The following POT1 variants were observed in gnomAD, a reference collection of about 807,000 sequenced individuals.
POT1 encodes the protein protection of telomeres 1, also known as protection of telomeres protein 1.
Under a neutral mutation model 78.5 loss-of-function variants are expected in POT1, and 47 were observed. The observed-to-expected ratio is 0.60, with a 90% confidence interval of 0.47 to 0.76. The LOEUF is 0.76. POT1 is among the 30% of genes least tolerant of loss of function. POT1 has a pLI of 0.00. For missense variants in POT1, 646 were observed against 749.9 expected (o/e 0.86, Z 1.62); for synonymous variants, 259 against 260.7 (o/e 0.99, Z 0.06).
rs117317353 is a variant in POT1 at position 124,898,764 on chromosome 7, C to T, written c.-153-390G>A. On this transcript the variant is annotated intron_variant, in intron 3 of 18. Coordinates refer to ENST00000357628, the MANE Select transcript of POT1 (RefSeq NM_015450.3). Reference sequence around the variant, plus strand: ...AAGGCATGACAGTGCAAAAACTCCACATATTACAAAACTAATATATGTGCA... The same window carrying T: ...AAGGCATGACAGTGCAAAAACTCCATATATTACAAAACTAATATATGTGCA... Among the ~76,000 whole-genome samples, 1,501 of 152,154 alleles carry T rather than the reference C, an allele frequency of 9.9e-3. 15 individuals are homozygous for T. Among genetic ancestry groups the T allele is most frequent in the South Asian group, 0.028 (133 of 4,828 alleles).
At chr7:124,829,153 A>C (rs952008784) in intron 16 of POT1, 101 bp downstream of exon 16, 45 of 843,170 alleles carry the variant, frequency 5.3e-5, no homozygotes, top group Non-Finnish European at 8.2e-5. Context: ...TAAGTATACA[A>C]AGAAGGAACA....
At position 124,850,153 on chromosome 7, in the gene POT1, C is replaced by T. The variant is rs1584763690; in HGVS notation, c.949+1719G>A. Among the ~76,000 whole-genome samples, 5 of 152,202 alleles carry T rather than the reference C, an allele frequency of 3.3e-5. No homozygotes were observed. The South Asian group carries it at 8.3e-4, about 25-fold the overall frequency. ...TTTGTCATCTGAACTAAATTGGTTT[C>T]CTAATAGTAGTTCAAGTAATCATAC... is the stretch of plus-strand genomic sequence containing the variant. On this transcript the variant is annotated intron_variant, in intron 11 of 18. Transcript: ENST00000357628.
At chr7:124,894,690 C>T (rs1255674324) in intron 5 of POT1, among the ~76,000 whole-genome samples, 3 of 151,506 alleles carry the variant, frequency 2.0e-5, no homozygotes, top group Non-Finnish European at 4.4e-5. Flanking sequence ...TCCCAATAAG[C>T]CCTATCTTAG....
chr7:124,908,316 T>G (rs888752129), intron 3 of POT1, among the ~76,000 whole-genome samples: 2 of 151,954 alleles, frequency 1.3e-5, no homozygotes, highest in African/African-American at 4.8e-5. Flanking sequence ...ATGTACTGGG[T>G]TGAGTAATAC....
intron 3 of POT1, among the ~76,000 whole-genome samples, chr7:124,902,801 CAT>C (rs1796655754): frequency 6.6e-6 from 1 of 152,062 alleles, no homozygotes; most frequent in Non-Finnish European, 1.5e-5. Context: ...CAGAGACAAA[CAT>C]AGGCTCAAAT....
chr7:124,911,677 G>T (rs140178653), intron 3 of POT1, among the ~76,000 whole-genome samples: 34 of 152,262 alleles, frequency 2.2e-4, no homozygotes, highest in African/African-American at 7.7e-4. Flanking sequence ...CAAAGTAGAA[G>T]TGAGAAAAAA....
At position 124,835,095 on chromosome 7, in the gene POT1, G is replaced by A. The variant is rs577700238; in HGVS notation, c.1505+184C>T. 1.1e-4 allele frequency among the ~76,000 whole-genome samples: 17 copies of A among 152,290 alleles called. No individual in the cohort carries two copies. The East Asian group carries it at 3.3e-3, about 29-fold the overall frequency. ...ACATCACACACCAGGGCCTGTCAGGGGGTGGGAGGCTAGGGGAAGGACAGC... is the reference window on the plus strand; with the variant it reads ...ACATCACACACCAGGGCCTGTCAGGAGGTGGGAGGCTAGGGGAAGGACAGC... On this transcript the variant is annotated intron_variant, in intron 15 of 18. Coordinates refer to ENST00000357628, the MANE Select transcript of POT1 (RefSeq NM_015450.3).
Position 124,846,851 on chromosome 7 carries a change from A to G in POT1, c.1006+91T>C, listed in dbSNP as rs1001730189. On this transcript the variant is annotated intron_variant, in intron 12 of 18. Transcript: ENST00000357628. ...AGCTTTAAAGGATATGTGTTCTACTATTAGAAAGAAATGGATTAGCTGGTA... is the reference window on the plus strand; with the variant it reads ...AGCTTTAAAGGATATGTGTTCTACTGTTAGAAAGAAATGGATTAGCTGGTA... The G allele has an allele frequency of 1.8e-5, 16 of 902,046 alleles. No individual in the cohort carries two copies. The African/African-American group carries it at 2.0e-4, about 11-fold the overall frequency. The allele number at this position is 902,046 out of a possible 1,614,324, so 55.9% of individuals were successfully genotyped here. A position where few individuals can be genotyped will look rare whatever the true frequency, so the allele number is the denominator to read the frequency against.
intron 9 of POT1, among the ~76,000 whole-genome samples, chr7:124,855,723 T>A (rs1481224354): frequency 6.6e-6 from 1 of 151,506 alleles, no homozygotes; most frequent in African/African-American, 2.4e-5. Flanking sequence ...GAAATGACTA[T>A]CCCTTTAGAA....
At chr7:124,871,697 T>C (rs1795873326) in intron 6 of POT1, among the ~76,000 whole-genome samples, 1 of 151,588 alleles carries the variant, frequency 6.6e-6, no homozygotes, top group African/African-American at 2.4e-5. Context: ...CAAACACTGG[T>C]GGTAGTAAAA....
intron 14 of POT1, among the ~76,000 whole-genome samples, chr7:124,838,245 G>T (rs12154816): frequency 6.6e-6 from 1 of 151,840 alleles, no homozygotes; most frequent in Non-Finnish European, 1.5e-5. Flanking sequence ...GAAGAAATAA[G>T]CTGTCTTTGT....
At chr7:124,893,079 T>G (rs1281875130) in intron 5 of POT1, among the ~76,000 whole-genome samples, 1 of 151,488 alleles carries the variant, frequency 6.6e-6, no homozygotes, top group Non-Finnish European at 1.5e-5. Flanking sequence ...TTTTAGTAAT[T>G]AAATCATCCT....
chr7:124,877,186 C>T (rs1305245200), intron 6 of POT1, among the ~76,000 whole-genome samples: 1 of 152,192 alleles, frequency 6.6e-6, no homozygotes, highest in Non-Finnish European at 1.5e-5. Context: ...TAACATCAGA[C>T]TTTTCTATCA....
In POT1 at chr7:124,892,259, T is replaced by C. The variant is rs769945908; in HGVS notation, c.124+7A>G. 4.7e-6 allele frequency: 7 copies of C among 1,493,090 alleles called. No individual in the cohort carries two copies. The South Asian group carries it at 6.5e-5, about 14-fold the overall frequency. The allele number at this position is 1,493,090 out of a possible 1,614,324, so 92.5% of individuals were successfully genotyped here. The stretch of plus-strand genomic sequence containing the variant: ...CTCCAAAAAACTCCACCAGTTTTAA[T>C]ACCTACCAGTTCCTTTGCTTAGATA... On this transcript the variant is annotated splice_region_variant and intron_variant, in intron 6 of 18. Coordinates refer to ENST00000357628, the MANE Select transcript of POT1 (RefSeq NM_015450.3).
intron 12 of POT1, among the ~76,000 whole-genome samples, chr7:124,844,662 A>C (rs2079369): frequency 6.9e-6 from 1 of 145,278 alleles, no homozygotes; most frequent in Non-Finnish European, 1.5e-5. Context: ...GTGAACCCGG[A>C]AGGCAGAGCT....
In POT1 at chr7:124,841,504, A is replaced by C. The variant is rs528677973; in HGVS notation, c.1164-326T>G. ...TTTTTTCTCCTCTGTAAAGAATGCT[A>C]AATTTCCCAGTAGGAGAAAAAAATG... is the stretch of plus-strand genomic sequence containing the variant. On this transcript the variant is annotated intron_variant, in intron 13 of 18. Transcript: ENST00000357628. 1.4e-3 allele frequency among the ~76,000 whole-genome samples: 210 copies of C among 152,076 alleles called. 2 individuals are homozygous for C. The highest frequency in any genetic ancestry group is 4.3e-3 in the African/African-American group (179 of 41,568).
intron 12 of POT1, among the ~76,000 whole-genome samples, chr7:124,844,052 T>A (rs990124559): frequency 2.0e-5 from 3 of 152,010 alleles, no homozygotes; most frequent in African/African-American, 7.2e-5. Context: ...CTTGCCTTTA[T>A]CAGAGTGGAA....
intron 14 of POT1, among the ~76,000 whole-genome samples, chr7:124,836,798 G>A (rs948726226): frequency 6.6e-6 from 1 of 152,306 alleles, no homozygotes; most frequent in East Asian, 1.9e-4. Flanking sequence ...AAAGCACTTA[G>A]AGCCATGAGT....
At position 124,874,500 on chromosome 7, in the gene POT1, G is replaced by A. The variant is rs894662649; in HGVS notation, c.125-3459C>T. ...TGTAATCCTAGCACTTTGGGAGGCC[G>A]AGTGGGTGGATCATTTGAGGTCCGC... On this transcript the variant is annotated intron_variant, in intron 6 of 18. Coordinates refer to ENST00000357628, the MANE Select transcript of POT1 (RefSeq NM_015450.3). Among the ~76,000 whole-genome samples, 8 of 152,114 alleles carry A rather than the reference G, an allele frequency of 5.3e-5. No homozygotes were observed. The South Asian group carries it at 1.5e-3, about 28-fold the overall frequency.
Sources: allele counts gnomAD v4.1 joint callset (sites outside exome capture counted in the v4.1 genomes callset), GRCh38; gene constraint gnomAD v4.1.1; transcripts MANE v1.5; gene names NCBI Gene and HGNC (gene_info 2026-07-23, HGNC 2026-07-21).